The following SMAD9 variants were observed in gnomAD, a reference collection of about 807,000 sequenced individuals.
SMAD9 encodes the protein SMAD family member 9, also known as MAD homolog 9.
A neutral mutation model predicts 46.1 loss-of-function variants in SMAD9; 36 were observed. That is an observed-to-expected ratio of 0.78 (90% CI 0.60 to 1.03). The LOEUF is 1.03. SMAD9 is among the 50% of genes least tolerant of loss of function. SMAD9 has a pLI of 0.00. For synonymous variants in SMAD9, 245 were observed against 237.1 expected, an observed-to-expected ratio of 1.03 and a Z score of -0.31; for missense variants, 572 against 599.8, an observed-to-expected ratio of 0.95 and a Z score of 0.48.
At chr13:36,861,929 C>CAA (rs1478769358) in intron 5 of SMAD9, among the ~76,000 whole-genome samples, 1 of 118,026 alleles carries the variant, frequency 8.5e-6, no homozygotes, top group East Asian at 2.5e-4. Flanking sequence ...ACTCCCGTCT[C>CAA]AAAAAAAAAA....
chr13:36,874,886 T>G lies in SMAD9; in HGVS notation c.413-1971A>C, dbSNP rs1049024017. 5.8e-4 allele frequency among the ~76,000 whole-genome samples: 72 copies of G among 123,478 alleles called. 1 individual carries two copies. Among genetic ancestry groups the G allele is most frequent in the African/African-American group, 1.7e-3 (65 of 38,440 alleles). The allele number at this position is 123,478 out of a possible 152,430, so 81.0% of individuals were successfully genotyped here. A position where few individuals can be genotyped will look rare whatever the true frequency, so the allele number is the denominator to read the frequency against. ...AAAAAAAAAAAAAAAAAAATACATA[T>G]ATATATATGTATATGTATGTATGTA... On this transcript the variant is annotated intron_variant, in intron 2 of 6. Coordinates refer to ENST00000379826, the MANE Select transcript of SMAD9 (RefSeq NM_001127217.3).
chr13:36,858,923 C>G (rs1010226321), intron 5 of SMAD9, among the ~76,000 whole-genome samples: 1 of 152,094 alleles, frequency 6.6e-6, no homozygotes, highest in South Asian at 2.1e-4. Flanking sequence ...TGTTGCCCAC[C>G]TGGTCATGAA....
intron 1 of SMAD9, among the ~76,000 whole-genome samples, chr13:36,915,078 G>A (rs1311261468): frequency 2.0e-5 from 3 of 152,194 alleles, no homozygotes; most frequent in Non-Finnish European, 4.4e-5. Flanking sequence ...AGTCATTTAA[G>A]GCAAATGGCC....
chr13:36,876,358 G>A (rs1291296973), intron 2 of SMAD9, among the ~76,000 whole-genome samples: 1 of 152,086 alleles, frequency 6.6e-6, no homozygotes, highest in Non-Finnish European at 1.5e-5. Flanking sequence ...AAATCATCAT[G>A]TACCACAACA....
intron 1 of SMAD9, among the ~76,000 whole-genome samples, chr13:36,899,718 G>A (rs1301194120): frequency 6.6e-6 from 1 of 152,162 alleles, no homozygotes; most frequent in Non-Finnish European, 1.5e-5. Flanking sequence ...CTGAACTGAA[G>A]GATGGAATCC....
chr13:36,882,086 A>T (rs1173681473), intron 1 of SMAD9, among the ~76,000 whole-genome samples: 1 of 152,162 alleles, frequency 6.6e-6, no homozygotes, highest in Non-Finnish European at 1.5e-5. Flanking sequence ...CTATTTACCA[A>T]TGGCATGTGA....
chr13:36,853,586 G>A lies in SMAD9; in HGVS notation c.1093C>T (p.Gln365Ter). 6.2e-7 allele frequency: 1 copy of A among 1,614,146 alleles called. No homozygotes were observed. Among genetic ancestry groups the A allele is most frequent in the South Asian group, 1.1e-5 (1 of 91,082 alleles). ...IFVQSRNCNY[Q>*]HGFHPATVCK... is the part of the protein sequence containing the mutation. The stretch of plus-strand genomic sequence containing the variant: ...ACGGTAGCTGGGTGGAAGCCGTGTT[G>A]ATAGTTGCAGTTCCGGCTCTGCACA... Residue 365 changes from glutamine to a stop codon, truncating the protein, a stop_gained, in exon 6 of 7, where the codon CAA becomes TAA. Coordinates refer to ENST00000379826, the MANE Select transcript of SMAD9 (RefSeq NM_001127217.3). LOFTEE classifies it high-confidence loss of function.
At chr13:36,911,340 AATTG>A (rs941353608) in intron 1 of SMAD9, among the ~76,000 whole-genome samples, 1 of 152,092 alleles carries the variant, frequency 6.6e-6, no homozygotes, top group African/African-American at 2.4e-5. Flanking sequence ...CCATGTAATT[AATTG>A]AAGTTCTAAC....
chr13:36,899,418 T>C (rs527770286), intron 1 of SMAD9, among the ~76,000 whole-genome samples: 1 of 152,322 alleles, frequency 6.6e-6, no homozygotes. Context: ...ATAGGGTGAT[T>C]TTAAAATTTA....
chr13:36,879,165 T>A, intron 2 of SMAD9, 113 bp downstream of exon 2: 1 of 924,248 alleles, frequency 1.1e-6, no homozygotes, highest in Non-Finnish European at 1.7e-6. Flanking sequence ...TCCTCTCTTC[T>A]CTCTCTCTCT....
chr13:36,882,920 C>T (rs1397741575), intron 1 of SMAD9, among the ~76,000 whole-genome samples: 1 of 152,180 alleles, frequency 6.6e-6, no homozygotes, highest in Non-Finnish European at 1.5e-5. Flanking sequence ...GCTATGACTG[C>T]ACCACTACAC....
chr13:36,874,897 ATATGTATG>A (rs71084452), intron 2 of SMAD9, among the ~76,000 whole-genome samples: 1 of 141,898 alleles, frequency 7.0e-6, no homozygotes, highest in African/African-American at 2.5e-5. Flanking sequence ...ATATATATGT[ATATGTATG>A]TATGTATGTA....
chr13:36,911,630 C>A (rs905071503), intron 1 of SMAD9, among the ~76,000 whole-genome samples: 1 of 38,856 alleles, frequency 2.6e-5, no homozygotes, highest in Non-Finnish European at 7.0e-5. Flanking sequence ...GGGGGGGGGG[C>A]GGGTGGAGTT....
intron 1 of SMAD9, among the ~76,000 whole-genome samples, chr13:36,899,537 G>A (rs1429900088): frequency 2.6e-5 from 4 of 152,182 alleles, no homozygotes; most frequent in Non-Finnish European, 4.4e-5. Flanking sequence ...TCATGAAAAT[G>A]ACAAATTCAG....
chr13:36,882,307 TG>T (rs2058411411), intron 1 of SMAD9, among the ~76,000 whole-genome samples: 1 of 151,964 alleles, frequency 6.6e-6, no homozygotes, highest in Non-Finnish European at 1.5e-5. Flanking sequence ...AAAATTTACT[TG>T]TTAAGTTGGG....
At chr13:36,885,403 G>A (rs992434121) in intron 1 of SMAD9, among the ~76,000 whole-genome samples, 3 of 149,674 alleles carry the variant, frequency 2.0e-5, no homozygotes, top group Non-Finnish European at 2.9e-5. Context: ...ACACACACAC[G>A]TATATTTAAT....
chr13:36,893,134 C>A (rs747868660), intron 1 of SMAD9, among the ~76,000 whole-genome samples: 11 of 151,930 alleles, frequency 7.2e-5, no homozygotes, highest in African/African-American at 2.7e-4. Context: ...TAAGACATAG[C>A]AATTCCACAA....
chr13:36,867,937 G>A (rs1367125963), intron 3 of SMAD9, among the ~76,000 whole-genome samples: 3 of 152,186 alleles, frequency 2.0e-5, no homozygotes, highest in African/African-American at 7.2e-5. Flanking sequence ...AGGCAAATGG[G>A]ATGCATTCCG....
chr13:36,907,546 C>T (rs1009506364), intron 1 of SMAD9, among the ~76,000 whole-genome samples: 1 of 151,984 alleles, frequency 6.6e-6, no homozygotes. Context: ...GTGGTGGCAC[C>T]CACCTGTAAT....
Sources: gnomAD v4.1 joint callset for allele counts (sites outside exome capture counted in the v4.1 genomes callset) on GRCh38, gnomAD v4.1.1 for gene constraint, MANE v1.5 for transcripts, NCBI Gene and HGNC (gene_info 2026-07-23, HGNC 2026-07-21) for gene names.